Variants in PRLR observed in about 807,000 individuals in gnomAD.
PRLR encodes hPRL receptor.
In PRLR, 13 loss-of-function variants were observed where a neutral mutation model predicts 40.2. That is an observed-to-expected ratio of 0.32 (90% CI 0.21 to 0.51). The LOEUF is 0.51. PRLR is among the 20% of genes least tolerant of loss of function. The pLI, the probability that PRLR is intolerant of heterozygous loss-of-function variation, is 0.97. For synonymous variants in PRLR, 269 were observed against 278.7 expected (o/e 0.97, Z 0.35); for missense variants, 656 against 747.3 (o/e 0.88, Z 1.42).
chr5:35,207,049 A>C (rs1276324524), intron 1 of PRLR, among the ~76,000 whole-genome samples: 1 of 152,086 alleles, frequency 6.6e-6, no homozygotes, highest in African/African-American at 2.4e-5. Context: ...CGCATTTCCC[A>C]AGTTTATTTT....
chr5:35,119,916 C>T (rs1294003502), intron 1 of PRLR, among the ~76,000 whole-genome samples: 2 of 152,182 alleles, frequency 1.3e-5, no homozygotes, highest in Admixed American at 6.5e-5. Flanking sequence ...ATGGCTTCTG[C>T]AGTTCAACAA....
chr5:35,119,775 T>C (rs562599891), intron 1 of PRLR, among the ~76,000 whole-genome samples: 2 of 152,314 alleles, frequency 1.3e-5, no homozygotes, highest in East Asian at 1.9e-4. Flanking sequence ...AGACTGTTTT[T>C]ACACTCTTGG....
At position 35,225,466 on chromosome 5, in the gene PRLR, A is replaced by G. The variant is rs73083038; in HGVS notation, c.-106+4802T>C. On this transcript the variant is annotated intron_variant, in intron 1 of 9. Transcript: ENST00000618457. ...AGAAGTCACGTTTGGAAGAAGGGGG[A>G]AAAAGGTCCTATCATGTATTTGTCA... Among the ~76,000 whole-genome samples, 708 of 152,308 alleles carry G rather than the reference A, an allele frequency of 4.6e-3. 6 individuals are homozygous for G. The highest frequency in any genetic ancestry group is 0.016 in the African/African-American group (674 of 41,574).
intron 1 of PRLR, among the ~76,000 whole-genome samples, chr5:35,224,788 G>A (rs555006368): frequency 6.6e-6 from 1 of 152,178 alleles, no homozygotes; most frequent in Non-Finnish European, 1.5e-5. Flanking sequence ...CAGAATCCAG[G>A]TCTTTGCTCT....
At position 35,226,786 on chromosome 5, in the gene PRLR, ATT is replaced by A. The variant is rs375339294; in HGVS notation, c.-106+3480_-106+3481del. ...ATAGCATTTATCAGTATCTGAAATG[ATT>A]TTATTTATGTATTTGTTCACCCGAC... On this transcript the variant is annotated intron_variant, in intron 1 of 9. Transcript: ENST00000618457. Among the ~76,000 whole-genome samples the A allele has an allele frequency of 3.0e-4, 46 of 152,124 alleles. 1 individual carries two copies. Among genetic ancestry groups the A allele is most frequent in the African/African-American group, 1.1e-3 (44 of 41,430 alleles).
chr5:35,187,570 C>A (rs1393280851), intron 1 of PRLR, among the ~76,000 whole-genome samples: 1 of 152,112 alleles, frequency 6.6e-6, no homozygotes, highest in Non-Finnish European at 1.5e-5. Context: ...TGGGTGCAAG[C>A]CCCTGACCTC....
chr5:35,112,581 G>A (rs1207517990), intron 2 of PRLR, among the ~76,000 whole-genome samples: 1 of 152,048 alleles, frequency 6.6e-6, no homozygotes, highest in Non-Finnish European at 1.5e-5. Context: ...GGCTCAAGGT[G>A]AAAACTCCAC....
chr5:35,079,244 AT>A (rs1477477298), intron 5 of PRLR, among the ~76,000 whole-genome samples: 13 of 152,222 alleles, frequency 8.5e-5, no homozygotes, highest in Admixed American at 7.9e-4. Flanking sequence ...AGGGTATTCA[AT>A]TAGGAAAAGA....
intron 1 of PRLR, among the ~76,000 whole-genome samples, chr5:35,139,825 T>A (rs2962085): frequency 0.21 from 31,484 of 151,956 alleles, 5,871 homozygotes; most frequent in African/African-American, 0.5. Flanking sequence ...TCAGTTCTCC[T>A]AATAATTTAG....
At chr5:35,217,197 GA>G (rs1289567333) in intron 1 of PRLR, among the ~76,000 whole-genome samples, 1 of 152,168 alleles carries the variant, frequency 6.6e-6, no homozygotes, top group African/African-American at 2.4e-5. Context: ...CCAGCCTCCT[GA>G]AAGTGGGTGT....
intron 2 of PRLR, among the ~76,000 whole-genome samples, chr5:35,100,153 C>T (rs1393471993): frequency 7.1e-6 from 1 of 139,928 alleles, no homozygotes; most frequent in African/African-American, 2.8e-5. Flanking sequence ...CATTGCACTG[C>T]AGCCTGGGCG....
chr5:35,114,601 C>T (rs182145509), intron 2 of PRLR, among the ~76,000 whole-genome samples: 1 of 152,310 alleles, frequency 6.6e-6, no homozygotes, highest in Admixed American at 6.5e-5. Flanking sequence ...ACTCATTGCT[C>T]TAAGTGGGCT....
At chr5:35,102,763 G>A (rs1381477304) in intron 2 of PRLR, among the ~76,000 whole-genome samples, 2 of 152,000 alleles carry the variant, frequency 1.3e-5, no homozygotes, top group Admixed American at 6.6e-5. Flanking sequence ...GGCTGGTCTC[G>A]AACTCCTGAC....
At chr5:35,219,495 A>G (rs1441578329) in intron 1 of PRLR, among the ~76,000 whole-genome samples, 1 of 152,220 alleles carries the variant, frequency 6.6e-6, no homozygotes, top group Non-Finnish European at 1.5e-5. Context: ...GTCAGTGCCC[A>G]CTAAATGCTT....
downstream of PRLR, among the ~76,000 whole-genome samples, chr5:35,053,793 C>T (rs967833110): frequency 3.9e-5 from 6 of 152,008 alleles, no homozygotes; most frequent in East Asian, 1.9e-4. Context: ...TTAGGAGACC[C>T]GATAGGCTCA....
At chr5:35,066,816 TG>T (rs936381473) in intron 9 of PRLR, among the ~76,000 whole-genome samples, 5 of 143,558 alleles carry the variant, frequency 3.5e-5, no homozygotes, top group African/African-American at 1.1e-4. Flanking sequence ...CAGGCTGGAG[TG>T]CAGTGGCATG....
At chr5:35,094,824 CTTTTT>C (rs143791323) in intron 2 of PRLR, among the ~76,000 whole-genome samples, 1 of 113,980 alleles carries the variant, frequency 8.8e-6, no homozygotes, top group Admixed American at 9.0e-5. Flanking sequence ...AGGAGTTGGG[CTTTTT>C]TTTTTTTTTT....
In PRLR at chr5:35,058,933, C is replaced by T. The variant is rs1465239807; in HGVS notation, c.*6156G>A. On this transcript the variant is annotated 3_prime_UTR_variant, in exon 10 of 10. Transcript: ENST00000618457. ...CAGCTTTGAAGGAAGGACATTAGGACACAAAAGGGAGGTAGTTACTTTAAA... is the reference window on the plus strand; with the variant it reads ...CAGCTTTGAAGGAAGGACATTAGGATACAAAAGGGAGGTAGTTACTTTAAA... 6 of 152,026 alleles carry T rather than the reference C, an allele frequency of 3.9e-5. No homozygotes were observed. The highest frequency in any genetic ancestry group is 8.8e-5 in the Non-Finnish European group (6 of 67,990). 9.4% of individuals were successfully genotyped at this position (152,026 alleles called of 1,614,324 possible). A position where few individuals can be genotyped will look rare whatever the true frequency, so the allele number is the denominator to read the frequency against.
In PRLR at chr5:35,065,939, G is replaced by C. The variant is rs1182576006; in HGVS notation, c.1019C>G (p.Pro340Arg). 1 of 1,614,078 alleles carries C rather than the reference G, an allele frequency of 6.2e-7. No homozygotes were observed. The highest frequency in any genetic ancestry group is 8.5e-7 in the Non-Finnish European group (1 of 1,179,998). Reference sequence around the variant, plus strand: ...GTCAGTGTCAGGATCCAGGTATGTGGGTTTCATACCTTGACTTGGGTGTTC... The same window carrying C: ...GTCAGTGTCAGGATCCAGGTATGTGCGTTTCATACCTTGACTTGGGTGTTC... ...SKEHPSQGMK[P>R]TYLDPDTDSG... The change falls in exon 10 of 10, where the codon CCC (proline) becomes CGC (arginine). Residue 340 changes from proline (P) to arginine (R), a missense_variant. Coordinates refer to ENST00000618457, the MANE Select transcript of PRLR (RefSeq NM_000949.7).
Sources: allele counts gnomAD v4.1 joint callset (sites outside exome capture counted in the v4.1 genomes callset), GRCh38; gene constraint gnomAD v4.1.1; transcripts MANE v1.5; gene names NCBI Gene and HGNC (gene_info 2026-07-23, HGNC 2026-07-21).